AMOTL1: variants seen among roughly 807,000 people sequenced by gnomAD.
The protein encoded by AMOTL1 is angiomotin-like protein 1.
AMOTL1 carries 45 observed loss-of-function variants against 102.9 expected under a neutral mutation model. That is an observed-to-expected ratio of 0.44 (90% confidence interval 0.34 to 0.56). The LOEUF (loss-of-function observed/expected upper bound fraction) is 0.56. Among genes scored for constraint, AMOTL1 ranks in the 20% least tolerant of loss-of-function variants. AMOTL1 has a pLI of 0.01. For synonymous variants in AMOTL1, 481 were observed against 484.7 expected (o/e 0.99, Z 0.10); for missense variants, 1,114 against 1,225.6 (o/e 0.91, Z 1.36).
chr11:94,816,777 C>T (rs145907731), intron 3 of AMOTL1, among the ~76,000 whole-genome samples: 10 of 152,156 alleles, frequency 6.6e-5, no homozygotes, highest in African/African-American at 2.2e-4. Context: ...TCTTCAGATC[C>T]GGTAGAAGAT....
chr11:94,778,907 T>C (rs1022754970), intron 1 of AMOTL1, among the ~76,000 whole-genome samples: 1 of 152,208 alleles, frequency 6.6e-6, no homozygotes, highest in Non-Finnish European at 1.5e-5. Context: ...TAGAATCTTA[T>C]ATGGTGGCTT....
At chr11:94,853,847 C>T in intron 7 of AMOTL1, 86 bp from the exon 8 acceptor site, 1 of 1,481,252 alleles carries the variant, frequency 6.8e-7, no homozygotes, top group South Asian at 1.2e-5. Flanking sequence ...ATAGGATCTC[C>T]AGGTAATCTG....
chr11:94,789,807 C>T (rs1263035197), intron 1 of AMOTL1, among the ~76,000 whole-genome samples: 1 of 152,160 alleles, frequency 6.6e-6, no homozygotes, highest in African/African-American at 2.4e-5. Flanking sequence ...AAGATAGAAG[C>T]CACAGAATTG....
Position 94,838,367 on chromosome 11 carries a change from T to C in AMOTL1, c.1648+6826T>C, listed in dbSNP as rs145945215. On this transcript the variant is annotated intron_variant, in intron 6 of 12. Coordinates refer to ENST00000433060, the MANE Select transcript of AMOTL1 (RefSeq NM_130847.3). ...GCAAACAGTCATATAGGCTATCTACTATCAACTCACTGTGTTTTAGGCCAC... is the reference window on the plus strand; with the variant it reads ...GCAAACAGTCATATAGGCTATCTACCATCAACTCACTGTGTTTTAGGCCAC... Among the ~76,000 whole-genome samples, 633 of 152,370 alleles carry C rather than the reference T, an allele frequency of 4.2e-3. 12 individuals are homozygous for C. The highest frequency in any genetic ancestry group is 0.035 in the South Asian group (167 of 4,828).
chr11:94,808,688 A>T (rs1244370930), intron 3 of AMOTL1, among the ~76,000 whole-genome samples: 1 of 152,226 alleles, frequency 6.6e-6, no homozygotes, highest in East Asian at 1.9e-4. Context: ...TCTAGGGTAC[A>T]TGCACAATGG....
chr11:94,870,044 T>C (rs1452772486), intron 12 of AMOTL1, among the ~76,000 whole-genome samples: 2 of 152,208 alleles, frequency 1.3e-5, no homozygotes, highest in Non-Finnish European at 2.9e-5. Flanking sequence ...TGGGTAAGAA[T>C]AGACCTGGCC....
intron 1 of AMOTL1, among the ~76,000 whole-genome samples, chr11:94,771,262 G>GGGC (rs1950946371): frequency 1.4e-5 from 2 of 146,536 alleles, no homozygotes; most frequent in Non-Finnish European, 3.0e-5. Context: ...GCGGGGTTGG[G>GGGC]GGGGGGGTGC....
intron 6 of AMOTL1, among the ~76,000 whole-genome samples, chr11:94,838,617 A>G (rs765148060): frequency 3.9e-5 from 6 of 152,226 alleles, no homozygotes; most frequent in Non-Finnish European, 8.8e-5. Context: ...GAACCTAGTC[A>G]TGGAAAAAGA....
chr11:94,863,235 C>T (rs1400029749), intron 9 of AMOTL1, among the ~76,000 whole-genome samples: 1 of 149,964 alleles, frequency 6.7e-6, no homozygotes, highest in South Asian at 2.1e-4. Flanking sequence ...ATGTTGATAG[C>T]TGTCATTAAA....
At chr11:94,837,179 T>TA (rs1485808589) in intron 6 of AMOTL1, among the ~76,000 whole-genome samples, 6 of 152,212 alleles carry the variant, frequency 3.9e-5, no homozygotes, top group Admixed American at 1.3e-4. Context: ...TTGTCTTGGA[T>TA]AAGCTGCCAC....
chr11:94,855,965 C>T (rs191795739), intron 8 of AMOTL1, among the ~76,000 whole-genome samples: 2 of 152,270 alleles, frequency 1.3e-5, no homozygotes, highest in African/African-American at 4.8e-5. Context: ...TGGCAGACCC[C>T]CAGCTGTGTA....
intron 2 of AMOTL1, among the ~76,000 whole-genome samples, chr11:94,798,152 A>T (rs1400921872): frequency 6.6e-6 from 1 of 152,202 alleles, no homozygotes; most frequent in African/African-American, 2.4e-5. Context: ...GGGCCTCGGC[A>T]ATTTACCTTC....
chr11:94,860,871 G>A (rs1231601292), intron 9 of AMOTL1, among the ~76,000 whole-genome samples: 1 of 152,208 alleles, frequency 6.6e-6, no homozygotes, highest in Non-Finnish European at 1.5e-5. Context: ...GAGAAGGCCT[G>A]TTGGGGTGCA....
Position 94,868,970 on chromosome 11 carries a change from C to CA in AMOTL1, c.2489-220dup, listed in dbSNP as rs1442699838. Among the ~76,000 whole-genome samples the CA allele has an allele frequency of 1.4e-3, 209 of 148,434 alleles. 1 individual carries two copies. The highest frequency in any genetic ancestry group is 4.8e-3 in the African/African-American group (193 of 40,350). On this transcript the variant is annotated intron_variant, in intron 11 of 12. Coordinates refer to ENST00000433060, the MANE Select transcript of AMOTL1 (RefSeq NM_130847.3). ...AAAAAAAAAAAACAAAAAAAACACACAAAAAAAACCTACAATTTTTTAGGA... is the reference window on the plus strand; with the variant it reads ...AAAAAAAAAAAACAAAAAAAACACACAAAAAAAAACCTACAATTTTTTAGGA...
rs1366488531 is a variant in AMOTL1, at chr11:94,769,945, T to G, written c.49+1385T>G. Among the ~76,000 whole-genome samples, 5 of 152,198 alleles carry G rather than the reference T, an allele frequency of 3.3e-5. No homozygotes were observed. The East Asian group carries it at 9.6e-4, about 29-fold the overall frequency. On this transcript the variant is annotated intron_variant, in intron 1 of 12. Coordinates refer to ENST00000433060, the MANE Select transcript of AMOTL1 (RefSeq NM_130847.3). Reference sequence around the variant, plus strand: ...TAACCAAAGCAGTAACGTGCTAACCTGCTCACCATAAACGAATTAAACCAG... The same window carrying G: ...TAACCAAAGCAGTAACGTGCTAACCGGCTCACCATAAACGAATTAAACCAG...
At chr11:94,835,297 C>T (rs1952155095) in intron 6 of AMOTL1, among the ~76,000 whole-genome samples, 1 of 152,142 alleles carries the variant, frequency 6.6e-6, no homozygotes, top group Non-Finnish European at 1.5e-5. Flanking sequence ...CTTCTTTGTC[C>T]CTCAACTTAA....
At chr11:94,764,133 A>G (rs974706473), upstream of AMOTL1, among the ~76,000 whole-genome samples, 1 of 152,166 alleles carries the variant, frequency 6.6e-6, no homozygotes, top group Non-Finnish European at 1.5e-5. Context: ...TTTCCTGTGC[A>G]TCATTCCTCT....
At position 94,740,910 on chromosome 11, in the gene AMOTL1, G is replaced by A. The variant is rs1950513743; in HGVS notation, c.86-28G>A. 4 of 1,288,850 alleles carry A rather than the reference G, an allele frequency of 3.1e-6. 1 individual carries two copies. In the South Asian group the frequency reaches 3.7e-5, roughly 12 times the overall value. The allele number at this position is 1,288,850 out of a possible 1,614,324, so 79.8% of individuals were successfully genotyped here. ...TTCGTCCTGAATGGTAGCGATTCGA[G>A]TTGTTTTCTGCTTTTCTTCTCCCCC... On this transcript the variant is annotated intron_variant, in intron 2 of 4. Coordinates refer to the AMOTL1 transcript ENST00000299004.
chr11:94,777,691 A>G (rs1210231330), intron 1 of AMOTL1, among the ~76,000 whole-genome samples: 2 of 152,236 alleles, frequency 1.3e-5, no homozygotes, highest in Non-Finnish European at 2.9e-5. Context: ...CAGTAGTCAC[A>G]ATTATGCTAA....
Sources: allele counts gnomAD v4.1 joint callset (sites outside exome capture counted in the v4.1 genomes callset), GRCh38; gene constraint gnomAD v4.1.1; transcripts MANE v1.5; gene names NCBI Gene and HGNC (gene_info 2026-07-23, HGNC 2026-07-21).